The following ANXA8 variants were observed in gnomAD, a reference collection of about 807,000 sequenced individuals.
ANXA8 encodes annexin A8.
Under a neutral mutation model 26.8 loss-of-function variants are expected in ANXA8, and 9 were observed. The observed-to-expected ratio is 0.34, with a 90% CI of 0.20 to 0.59. ANXA8 has a LOEUF of 0.59. Ranked by LOEUF, ANXA8 falls within the 20% of genes least tolerant of loss-of-function variation. The pLI is 0.84. For missense variants in ANXA8, 83 were observed against 238.5 expected (o/e 0.35, Z 4.29); for synonymous variants, 39 against 94.8 (o/e 0.41, Z 3.42).
chr10:47,699,496 A>G, the ANXA8 span, among the ~76,000 whole-genome samples: 1 of 151,612 alleles, frequency 6.6e-6, no homozygotes. Context: ...ATAATAAGAT[A>G]ATTCAATGAT....
At chr10:47,586,202 G>A in the ANXA8 span, among the ~76,000 whole-genome samples, 6 of 145,308 alleles carry the variant, frequency 4.1e-5, 1 homozygote, top group East Asian at 7.8e-4. Context: ...AGGAATCCCC[G>A]TCCACCATAT....
the ANXA8 span, among the ~76,000 whole-genome samples, chr10:47,652,237 GCTAAAACTA>G: frequency 1.3e-5 from 2 of 151,728 alleles, no homozygotes; most frequent in African/African-American, 4.9e-5. Flanking sequence ...ATGTGAATAC[GCTAAAACTA>G]CTGAATTGTA....
chr10:47,522,147 G>A, the ANXA8 span, among the ~76,000 whole-genome samples: 1 of 142,502 alleles, frequency 7.0e-6, no homozygotes, highest in African/African-American at 2.6e-5. Flanking sequence ...AGGGACAAAG[G>A]GGGAGCCACG....
the ANXA8 span, among the ~76,000 whole-genome samples, chr10:47,985,218 T>A: frequency 6.7e-6 from 1 of 149,280 alleles, no homozygotes; most frequent in African/African-American, 2.5e-5. Context: ...ATACTTAACA[T>A]CATTAGCCTT....
the ANXA8 span, among the ~76,000 whole-genome samples, chr10:47,740,609 G>C: frequency 8.2e-6 from 1 of 121,912 alleles, no homozygotes; most frequent in Non-Finnish European, 1.7e-5. Context: ...AAATCATACA[G>C]TATATATTCC....
chr10:47,971,408 T>G, the ANXA8 span, among the ~76,000 whole-genome samples: 2 of 149,700 alleles, frequency 1.3e-5, no homozygotes, highest in Admixed American at 6.7e-5. Flanking sequence ...TTATCTCCCC[T>G]GTTGCAACTC....
the ANXA8 span, among the ~76,000 whole-genome samples, chr10:47,548,908 G>A: frequency 6.6e-6 from 1 of 152,268 alleles, no homozygotes; most frequent in African/African-American, 2.4e-5. Flanking sequence ...GGTGTATCAA[G>A]GGTTTATGTA....
the ANXA8 span, among the ~76,000 whole-genome samples, chr10:47,686,571 G>A: frequency 1.3e-5 from 2 of 151,850 alleles, no homozygotes; most frequent in Non-Finnish European, 2.9e-5. Context: ...GCTCCTTAAA[G>A]CTCTCTATTA....
At chr10:47,490,647 G>C in the ANXA8 span, among the ~76,000 whole-genome samples, 12,086 of 121,038 alleles carry the variant, frequency 0.1, 149 homozygotes, top group East Asian at 0.19. Flanking sequence ...TCCCAACGCT[G>C]AGCTTTTCTC....
chr10:47,500,989 G>T, the ANXA8 span, among the ~76,000 whole-genome samples: 40 of 138,780 alleles, frequency 2.9e-4, no homozygotes, highest in South Asian at 4.8e-3. Flanking sequence ...CGCCTCCTGG[G>T]TTCACGCCAT....
the ANXA8 span, among the ~76,000 whole-genome samples, chr10:47,764,056 C>T: frequency 6.6e-6 from 1 of 151,674 alleles, no homozygotes; most frequent in Non-Finnish European, 1.5e-5. Flanking sequence ...AGGCCGCAGC[C>T]ACTCCCCTTC....
At chr10:47,941,980 A>T in the ANXA8 span, among the ~76,000 whole-genome samples, 17 of 147,870 alleles carry the variant, frequency 1.1e-4, no homozygotes, top group South Asian at 2.1e-4. Flanking sequence ...AGGCTTGACA[A>T]GACAGGCTAC....
chr10:47,566,254 A>G, the ANXA8 span, among the ~76,000 whole-genome samples: 5 of 151,590 alleles, frequency 3.3e-5, no homozygotes, highest in East Asian at 9.7e-4. Context: ...TTTCTAAGCA[A>G]TAAGAGGCCA....
Position 47,484,078 on chromosome 10 carries a change from C to T in ANXA8, c.-145G>A, listed in dbSNP as rs1373535348. ...GGGGGTGCAAGCCCGCCCAGGGCAG[C>T]GCCACACCTGCCTGCCGTCCCCTCG... On this transcript the variant is annotated 5_prime_UTR_variant, in exon 1 of 12. Transcript: ENST00000585281. 2.8e-5 allele frequency: 45 copies of T among 1,600,814 alleles called. No homozygotes were observed. The highest frequency in any genetic ancestry group is 2.2e-4 in the African/African-American group (16 of 74,196).
the ANXA8 span, chr10:47,715,961 G>A: frequency 9.0e-7 from 1 of 1,113,972 alleles, no homozygotes; most frequent in Non-Finnish European, 1.3e-6. Context: ...ACAGCTCACT[G>A]CAGTCTCCAC....
the ANXA8 span, among the ~76,000 whole-genome samples, chr10:47,685,347 A>C: frequency 7.9e-6 from 1 of 125,856 alleles, no homozygotes; most frequent in Non-Finnish European, 1.6e-5. Context: ...AATCTGTCTC[A>C]AAAAAAAAAA....
the ANXA8 span, among the ~76,000 whole-genome samples, chr10:47,700,474 C>A: frequency 6.6e-6 from 1 of 151,934 alleles, no homozygotes; most frequent in Admixed American, 6.6e-5. Flanking sequence ...AAATTGGACA[C>A]GTATCTCACA....
the ANXA8 span, among the ~76,000 whole-genome samples, chr10:47,703,505 C>A: frequency 6.7e-6 from 1 of 149,864 alleles, no homozygotes; most frequent in African/African-American, 2.5e-5. Context: ...GAGGTTGAGG[C>A]TGCAGTGAGC....
the ANXA8 span, among the ~76,000 whole-genome samples, chr10:47,701,431 G>A: frequency 6.6e-6 from 1 of 151,874 alleles, no homozygotes; most frequent in Non-Finnish European, 1.5e-5. Flanking sequence ...ATTCATTGCA[G>A]TATTGTTTAT....
Sources: allele counts gnomAD v4.1 joint callset (sites outside exome capture counted in the v4.1 genomes callset), GRCh38; gene constraint gnomAD v4.1.1; transcripts MANE v1.5; gene names NCBI Gene and HGNC (gene_info 2026-07-23, HGNC 2026-07-21).